CARMIL1: variants seen among roughly 807,000 people sequenced by gnomAD.
CARMIL1 encodes F-actin-uncapping protein LRRC16A.
Under a neutral mutation model 177.1 loss-of-function variants are expected in CARMIL1, and 90 were observed. That is an observed-to-expected ratio of 0.51 (90% CI 0.43 to 0.61). The LOEUF (loss-of-function observed/expected upper bound fraction) is 0.61. Among genes scored for constraint, CARMIL1 ranks in the 20% least tolerant of loss-of-function variants. The pLI is 0.00. For synonymous variants in CARMIL1, 577 were observed against 606.2 expected, an observed-to-expected ratio of 0.95 and a Z score of 0.71; for missense variants, 1,380 against 1,667.0, an observed-to-expected ratio of 0.83 and a Z score of 3.00.
chr6:25,544,811 G>A (rs1809286357), intron 26 of CARMIL1, among the ~76,000 whole-genome samples: 1 of 152,068 alleles, frequency 6.6e-6, no homozygotes, highest in Non-Finnish European at 1.5e-5. Flanking sequence ...ATTTTAAAAA[G>A]CAAGTACTGA....
At chr6:25,581,599 C>G (rs1488108568) in intron 31 of CARMIL1, among the ~76,000 whole-genome samples, 160 bp downstream of exon 31, 2 of 152,152 alleles carry the variant, frequency 1.3e-5, no homozygotes, top group Admixed American at 1.3e-4. Context: ...CAACTTGGTG[C>G]TCAACAATTT....
At position 25,420,671 on chromosome 6, in the gene CARMIL1, G is replaced by A. The variant is rs540371296; in HGVS notation, c.189+507G>A. 2.1e-4 allele frequency among the ~76,000 whole-genome samples: 32 copies of A among 152,226 alleles called. No individual in the cohort carries two copies. In the South Asian group the frequency reaches 6.0e-3, roughly 29 times the overall value. On this transcript the variant is annotated intron_variant, in intron 3 of 36. Transcript: ENST00000329474. ...AATGTAACCATCTCAGCTGTTCTCC[G>A]TCTACTCTGATGTTGCCTGTAAGAA...
intron 2 of CARMIL1, among the ~76,000 whole-genome samples, chr6:25,293,434 G>A (rs528767168): frequency 2.0e-4 from 31 of 151,928 alleles, no homozygotes; most frequent in Non-Finnish European, 4.0e-4. Flanking sequence ...CATCCAAGCT[G>A]GAGTGCAGTG....
chr6:25,427,116 T>G (rs907441208), intron 4 of CARMIL1, among the ~76,000 whole-genome samples: 1 of 152,220 alleles, frequency 6.6e-6, no homozygotes, highest in Admixed American at 6.5e-5. Context: ...AATGATGTCA[T>G]ACAATGTATA....
chr6:25,557,403 A>G (rs985189788), intron 29 of CARMIL1, among the ~76,000 whole-genome samples: 1 of 152,164 alleles, frequency 6.6e-6, no homozygotes, highest in Non-Finnish European at 1.5e-5. Context: ...TAGCATATCC[A>G]TCTGGCCCTA....
chr6:25,391,309 C>T (rs1207972178), intron 2 of CARMIL1, among the ~76,000 whole-genome samples: 1 of 152,124 alleles, frequency 6.6e-6, no homozygotes, highest in Non-Finnish European at 1.5e-5. Flanking sequence ...TTGATAATTA[C>T]ACTGCTATAC....
chr6:25,282,293 C>T (rs1365657261), intron 1 of CARMIL1, among the ~76,000 whole-genome samples: 1 of 152,092 alleles, frequency 6.6e-6, no homozygotes. Context: ...ATTTCAGATG[C>T]CCATTTCCCG....
At chr6:25,420,562 GT>G (rs1554191616) in intron 3 of CARMIL1, among the ~76,000 whole-genome samples, 1 of 24,852 alleles carries the variant, frequency 4.0e-5, no homozygotes, top group African/African-American at 1.6e-4. Flanking sequence ...ATTTCCTTCG[GT>G]GATCCGAAGT....
chr6:25,530,226 A>G (rs1263823123), intron 24 of CARMIL1, among the ~76,000 whole-genome samples: 2 of 152,038 alleles, frequency 1.3e-5, no homozygotes, highest in African/African-American at 4.8e-5. Flanking sequence ...TCCAGAAAGA[A>G]AAGAGTTCCA....
At chr6:25,501,614 C>G (rs920113142) in intron 17 of CARMIL1, among the ~76,000 whole-genome samples, 1 of 152,164 alleles carries the variant, frequency 6.6e-6, no homozygotes, top group Non-Finnish European at 1.5e-5. Context: ...TTGATCTTTT[C>G]TAATTGTCTA....
intron 8 of CARMIL1, chr6:25,451,986 G>GGGGGGCGGGGCCCC: frequency 8.9e-6 from 1 of 112,672 alleles, no homozygotes; most frequent in Non-Finnish European, 1.7e-5. Context: ...CTAGCATCTT[G>GGGGGGCGGGGCCCC]CCCCCCCCTC....
At chr6:25,502,889 T>A (rs1191610924) in intron 17 of CARMIL1, among the ~76,000 whole-genome samples, 1 of 152,254 alleles carries the variant, frequency 6.6e-6, no homozygotes, top group Non-Finnish European at 1.5e-5. Context: ...AGGCATTTTC[T>A]TCTCAAATAA....
rs71744522 is a variant in CARMIL1 at position 25,352,152 on chromosome 6, TAAAA to T, written c.138+67256_138+67259del. On this transcript the variant is annotated intron_variant, in intron 2 of 36. Transcript: ENST00000329474. ...AGTTGAAAACATGTATTGGATACAG[TAAAA>T]AAAAAAAAAAAAGTATTCATCTATA... 4.2e-3 allele frequency among the ~76,000 whole-genome samples: 607 copies of T among 144,138 alleles called. 3 individuals carry two copies. Among genetic ancestry groups the T allele is most frequent in the Middle Eastern group, 0.018 (5 of 282 alleles). 94.6% of individuals were successfully genotyped at this position (144,138 alleles called of 152,430 possible). A position where few individuals can be genotyped will look rare whatever the true frequency, so the allele number is the denominator to read the frequency against.
intron 2 of CARMIL1, among the ~76,000 whole-genome samples, chr6:25,331,381 A>G (rs982038776): frequency 6.6e-6 from 1 of 152,214 alleles, no homozygotes; most frequent in East Asian, 1.9e-4. Flanking sequence ...GATAGGCTAA[A>G]GAGATTTTGT....
rs1810419298 is a variant in CARMIL1 at position 25,554,351 on chromosome 6, TAAAGGTCAAA to T, written c.2592+257_2592+266del. On this transcript the variant is annotated intron_variant, in intron 28 of 36. Transcript: ENST00000329474. The surrounding 1 kb of genome is among the most constrained non-coding windows in gnomAD (Gnocchi z 4.6). Reference sequence around the variant, plus strand: ...CAGAAATCTTATTGTTCATTTATTATAAAGGTCAAAAGCTTGGGGAAGAAATGTTGAGACT... The same window carrying T: ...CAGAAATCTTATTGTTCATTTATTATAGCTTGGGGAAGAAATGTTGAGACT... Among the ~76,000 whole-genome samples, 1 of 152,238 alleles carries T rather than the reference TAAAGGTCAAA, an allele frequency of 6.6e-6. No individual in the cohort carries two copies.
At chr6:25,516,931 A>T (rs1806063005) in intron 21 of CARMIL1, among the ~76,000 whole-genome samples, 1 of 152,180 alleles carries the variant, frequency 6.6e-6, no homozygotes, top group Admixed American at 6.5e-5. Context: ...GGGGGGAACA[A>T]TCTCAGTAGC....
At chr6:25,414,529 T>A (rs981982667) in intron 2 of CARMIL1, among the ~76,000 whole-genome samples, 1 of 152,176 alleles carries the variant, frequency 6.6e-6, no homozygotes, top group Non-Finnish European at 1.5e-5. Context: ...AAGCTTTAAA[T>A]CCTAGGGCAG....
At position 25,488,534 on chromosome 6, in the gene CARMIL1, C is replaced by A. The variant is rs745638488; in HGVS notation, c.1014C>A (p.Thr338=). 13 of 1,613,976 alleles carry A rather than the reference C, an allele frequency of 8.1e-6. No individual in the cohort carries two copies. The South Asian group carries it at 1.3e-4, about 16-fold the overall frequency. Residue 338 remains threonine, a synonymous_variant, in exon 13 of 37, where the codon ACC becomes ACA. Transcript: ENST00000329474. ...GTGCCAATCCATTGACCGCCTCTAC[C>A]CTTGTCCACCTCGACCTCTCAGGGA... The part of the protein sequence containing the change: ...SLSANPLTAS[T]LVHLDLSGNV...
chr6:25,508,446 C>T (rs908289131), intron 17 of CARMIL1, among the ~76,000 whole-genome samples: 1 of 152,128 alleles, frequency 6.6e-6, no homozygotes, highest in East Asian at 1.9e-4. Flanking sequence ...CCTGTAATTC[C>T]AGATACTTGG....
Sources: allele counts gnomAD v4.1 joint callset (sites outside exome capture counted in the v4.1 genomes callset), GRCh38; gene constraint gnomAD v4.1.1; non-coding constraint Gnocchi (gnomAD v3.1); transcripts MANE v1.5; gene names NCBI Gene and HGNC (gene_info 2026-07-23, HGNC 2026-07-21).